The following PEX3 variants were observed in gnomAD, a reference collection of about 807,000 sequenced individuals.
The protein encoded by PEX3 is peroxin-3.
PEX3 carries 30 observed loss-of-function variants against 55.8 expected under a neutral mutation model. That is an observed-to-expected ratio of 0.54 (90% CI 0.40 to 0.73). The LOEUF is 0.73. Ranked by LOEUF, PEX3 falls within the 30% of genes least tolerant of loss-of-function variation. The pLI, the probability that PEX3 is intolerant of heterozygous loss-of-function variation, is 0.00. For synonymous variants in PEX3, 135 were observed against 148.4 expected (o/e 0.91, Z 0.66); for missense variants, 351 against 432.8 (o/e 0.81, Z 1.68).
In PEX3 at chr6:143,450,986, G is replaced by A; in HGVS notation, c.-57G>A. ...ATCTGGGCCAGGTGACGAAGAAACA[G>A]TTTCCTGGTGAAGCAGTCCCTCACC... On this transcript the variant is annotated 5_prime_UTR_variant, in exon 1 of 12. Transcript: ENST00000367591. The A allele has an allele frequency of 2.3e-6, 3 of 1,286,566 alleles. No individual in the cohort carries two copies. Among genetic ancestry groups the A allele is most frequent in the Non-Finnish European group, 3.4e-6 (3 of 880,560 alleles). 79.7% of individuals were successfully genotyped at this position (1,286,566 alleles called of 1,614,324 possible).
chr6:143,452,242 A>G (rs1387962913), intron 1 of PEX3, among the ~76,000 whole-genome samples: 1 of 152,196 alleles, frequency 6.6e-6, no homozygotes, highest in African/African-American at 2.4e-5. Context: ...CATGTCTCTG[A>G]GGTCTATCAC....
chr6:143,487,794 G>T lies in PEX3; in HGVS notation c.1039-1349G>T, dbSNP rs1780340123. On this transcript the variant is annotated intron_variant, in intron 11 of 11. Transcript: ENST00000367591. The surrounding 1 kb of genome is among the most constrained non-coding windows in gnomAD (Gnocchi z 5.3). ...TGTATCATGTGTTTTACATGATTTG[G>T]TCTTCATTTGAAAGATTTTCTGCCT... Among the ~76,000 whole-genome samples, 2 of 151,716 alleles carry T rather than the reference G, an allele frequency of 1.3e-5. No homozygotes were observed. The highest frequency in any genetic ancestry group is 2.4e-5 in the African/African-American group (1 of 41,292).
Position 143,471,421 on chromosome 6 carries a change from A to G in PEX3, c.495A>G (p.Leu165=). 3 of 1,607,864 alleles carry G rather than the reference A, an allele frequency of 1.9e-6. No individual in the cohort carries two copies. The highest frequency in any genetic ancestry group is 2.6e-6 in the Non-Finnish European group (3 of 1,174,662). ...LAPPDVQQQY[L]SSIQHLLGDG... ...CCCCAGATGTCCAACAGCAGTATTT[A>G]TCAAGTATTCAGCACCTACTTGGAG... Residue 165 remains leucine (L), a synonymous_variant, in exon 6 of 12, where the codon TTA becomes TTG. Transcript: ENST00000367591. The surrounding 1 kb of genome is among the most constrained non-coding windows in gnomAD (Gnocchi z 5.4).
Position 143,466,343 on chromosome 6 carries a change from T to C in PEX3, c.288-1779T>C, listed in dbSNP as rs1056315179. ...TCCAGCGGATCCATGCTGTAGATGC[T>C]ATCTACCTGTTAGTCACTTAGTAGC... On this transcript the variant is annotated intron_variant, in intron 3 of 11. Coordinates refer to ENST00000367591, the MANE Select transcript of PEX3 (RefSeq NM_003630.3). This position sits in a 1 kb window ranked among gnomAD's most constrained non-coding sequence, Gnocchi z 5.4. Among the ~76,000 whole-genome samples, 1 of 152,090 alleles carries C rather than the reference T, an allele frequency of 6.6e-6. No homozygotes were observed. Among genetic ancestry groups the C allele is most frequent in the Admixed American group, 6.5e-5 (1 of 15,280 alleles).
chr6:143,458,936 C>A lies in PEX3; in HGVS notation c.74-149C>A. The A allele has an allele frequency of 1.7e-6, 1 of 577,834 alleles. No homozygotes were observed. Among genetic ancestry groups the A allele is most frequent in the South Asian group, 2.0e-5 (1 of 49,316 alleles). 35.8% of individuals were successfully genotyped at this position (577,834 alleles called of 1,614,324 possible). A position where few individuals can be genotyped will look rare whatever the true frequency, so the allele number is the denominator to read the frequency against. ...AAATGCTAATTTCCTTTTCTTTGGG[C>A]CAATCTTACAAAATTCTTTATTTAG... On this transcript the variant is annotated intron_variant, in intron 1 of 11. Transcript: ENST00000367591. This position sits in a 1 kb window ranked among gnomAD's most constrained non-coding sequence, Gnocchi z 6.1.
In PEX3 at chr6:143,471,761, G is replaced by C; in HGVS notation, c.578+150G>C. 1 of 669,182 alleles carries C rather than the reference G, an allele frequency of 1.5e-6. No individual in the cohort carries two copies. The highest frequency in any genetic ancestry group is 2.7e-5 in the East Asian group (1 of 37,434). The allele number at this position is 669,182 out of a possible 1,614,324, so 41.5% of individuals were successfully genotyped here. On this transcript the variant is annotated intron_variant, in intron 7 of 11. Coordinates refer to ENST00000367591, the MANE Select transcript of PEX3 (RefSeq NM_003630.3). This position sits in a 1 kb window ranked among gnomAD's most constrained non-coding sequence, Gnocchi z 5.4. ...AGATACCATCCTAGGATATTGCATT[G>C]TGGGATCCATTTTCTTTATCTTTTT... is the stretch of plus-strand genomic sequence containing the variant.
At position 143,475,006 on chromosome 6, in the gene PEX3, C is replaced by A; in HGVS notation, c.818+150C>A. The A allele has an allele frequency of 1.9e-6, 1 of 530,718 alleles. No homozygotes were observed. The highest frequency in any genetic ancestry group is 3.3e-6 in the Non-Finnish European group (1 of 303,454). 32.9% of individuals were successfully genotyped at this position (530,718 alleles called of 1,614,324 possible). ...GTTCCCCAGCCTTTAGATAAGATTT[C>A]CTACTCAAACTGGAGGGAAGCAGGG... is the stretch of plus-strand genomic sequence containing the variant. On this transcript the variant is annotated intron_variant, in intron 9 of 11. Coordinates refer to ENST00000367591, the MANE Select transcript of PEX3 (RefSeq NM_003630.3). The surrounding 1 kb of genome is among the most constrained non-coding windows in gnomAD (Gnocchi z 4.4).
Position 143,461,497 on chromosome 6 carries a change from C to A in PEX3, c.206-1419C>A, listed in dbSNP as rs1027534264. Among the ~76,000 whole-genome samples, 15 of 151,258 alleles carry A rather than the reference C, an allele frequency of 9.9e-5. 1 individual carries two copies. In the South Asian group the frequency reaches 2.5e-3, roughly 25 times the overall value. ...TTCTGCACATTCTGCATTTTTTGTA[C>A]AATTCATAACATGAGCAATGATAAT... On this transcript the variant is annotated intron_variant, in intron 2 of 11. Transcript: ENST00000367591.
rs1275320227 is a variant in PEX3, at chr6:143,453,470, G to T, written c.73+2355G>T. 1.3e-5 allele frequency among the ~76,000 whole-genome samples: 2 copies of T among 151,990 alleles called. No homozygotes were observed. The highest frequency in any genetic ancestry group is 2.9e-5 in the Non-Finnish European group (2 of 67,990). On this transcript the variant is annotated intron_variant, in intron 1 of 11. Coordinates refer to ENST00000367591, the MANE Select transcript of PEX3 (RefSeq NM_003630.3). This position sits in a 1 kb window ranked among gnomAD's most constrained non-coding sequence, Gnocchi z 4.6. ...CGCGTTTGTATAATTTGACCAGTTT[G>T]GGGGGTTTGGGTGTGTTCGGGTTTT...
At chr6:143,481,162 ATATATAT>A (rs1780235791) in intron 10 of PEX3, among the ~76,000 whole-genome samples, 1 of 144,732 alleles carries the variant, frequency 6.9e-6, no homozygotes, top group Non-Finnish European at 1.5e-5. Flanking sequence ...ATATATATAT[ATATATAT>A]AAAATATATA....
rs201981448 is a variant in PEX3, at chr6:143,479,172, C to A, written c.915C>A (p.Asp305Glu). The change falls in exon 10 of 12, where the codon GAC becomes GAA. Residue 305 changes from aspartate to glutamate, a missense_variant. By Grantham distance (45) the Asp-to-Glu change is conservative. Coordinates refer to ENST00000367591, the MANE Select transcript of PEX3 (RefSeq NM_003630.3). This position sits in a 1 kb window ranked among gnomAD's most constrained non-coding sequence, Gnocchi z 4.6. ...AGTTCTTTCGACCTACTGAACAGGA[C>A]CTGCAACATGGTAACTCTATGAATA... ...MAEFFRPTEQDLQHGNSMNSL... is the reference protein window; with the variant it reads ...MAEFFRPTEQELQHGNSMNSL... 2.1e-4 allele frequency: 331 copies of A among 1,604,842 alleles called. No individual in the cohort carries two copies. The highest frequency in any genetic ancestry group is 2.8e-4 in the Non-Finnish European group (325 of 1,171,984).
intron 1 of PEX3, among the ~76,000 whole-genome samples, chr6:143,457,599 T>C (rs577490710): frequency 6.6e-6 from 1 of 152,352 alleles, no homozygotes; most frequent in South Asian, 2.1e-4. Flanking sequence ...ACTTAGGTCA[T>C]GCACAATTCT....
intron 4 of PEX3, among the ~76,000 whole-genome samples, chr6:143,468,888 T>C (rs896082522): frequency 6.8e-6 from 1 of 148,064 alleles, no homozygotes; most frequent in African/African-American, 2.5e-5. Flanking sequence ...GTGTTCTCAT[T>C]GTTCAATTCC....
chr6:143,460,720 C>T (rs566558715), intron 2 of PEX3, among the ~76,000 whole-genome samples: 24 of 152,008 alleles, frequency 1.6e-4, no homozygotes, highest in Admixed American at 1.0e-3. Context: ...CAAAATTAGC[C>T]GGGCGTGGTG....
In PEX3 at chr6:143,476,914, A is replaced by T. The variant is rs1780160547; in HGVS notation, c.818+2058A>T. ...AGCAGTCCAACATTTAGAGTTTGGGATCGGGGGAAGAGCCAGCAAAGGAGA... is the reference window on the plus strand; with the variant it reads ...AGCAGTCCAACATTTAGAGTTTGGGTTCGGGGGAAGAGCCAGCAAAGGAGA... On this transcript the variant is annotated intron_variant, in intron 9 of 11. Coordinates refer to ENST00000367591, the MANE Select transcript of PEX3 (RefSeq NM_003630.3). This position sits in a 1 kb window ranked among gnomAD's most constrained non-coding sequence, Gnocchi z 5.4. Among the ~76,000 whole-genome samples the T allele has an allele frequency of 6.6e-6, 1 of 152,186 alleles. No homozygotes were observed. Among genetic ancestry groups the T allele is most frequent in the Non-Finnish European group, 1.5e-5 (1 of 68,020 alleles).
At chr6:143,481,162 A>G (rs1221150786) in intron 10 of PEX3, among the ~76,000 whole-genome samples, 1 of 144,730 alleles carries the variant, frequency 6.9e-6, no homozygotes, top group Non-Finnish European at 1.5e-5. Context: ...ATATATATAT[A>G]TATATATAAA....
intron 9 of PEX3, 26 bp downstream of exon 9, chr6:143,474,882 A>G (rs1208739692): frequency 8.2e-7 from 1 of 1,222,054 alleles, no homozygotes; most frequent in East Asian, 2.3e-5. Context: ...GTAGCAGGAA[A>G]AATATGTGTG....
chr6:143,461,896 C>T (rs1401648059), intron 2 of PEX3, among the ~76,000 whole-genome samples: 1 of 152,102 alleles, frequency 6.6e-6, no homozygotes, highest in African/African-American at 2.4e-5. Context: ...TGCAGTGAGC[C>T]GTGATTGCAC....
At chr6:143,461,142 C>CTACA (rs1447873800) in intron 2 of PEX3, among the ~76,000 whole-genome samples, 1 of 152,174 alleles carries the variant, frequency 6.6e-6, no homozygotes, top group Admixed American at 6.5e-5. Context: ...GAGTCTCAGA[C>CTACA]TACAGCACAG....
Sources: allele counts gnomAD v4.1 joint callset (sites outside exome capture counted in the v4.1 genomes callset), GRCh38; gene constraint gnomAD v4.1.1; non-coding constraint Gnocchi (gnomAD v3.1); transcripts MANE v1.5; gene names NCBI Gene and HGNC (gene_info 2026-07-23, HGNC 2026-07-21).